The following NBEAL2 variants were observed in gnomAD, a reference collection of about 807,000 sequenced individuals.
The protein encoded by NBEAL2 is neurobeachin like 2, also known as neurobeachin-like protein 2.
Under a neutral mutation model 299.8 loss-of-function variants are expected in NBEAL2, and 160 were observed. The ratio of observed to expected loss-of-function variants is 0.53; its 90% confidence interval spans 0.47 to 0.61. The LOEUF (loss-of-function observed/expected upper bound fraction) is 0.61, where lower values mean the gene tolerates loss of function less well. Ranked by LOEUF, NBEAL2 falls within the 20% of genes least tolerant of loss-of-function variation. The pLI, the probability that NBEAL2 is intolerant of heterozygous loss-of-function variation, is 0.00. For synonymous variants in NBEAL2, 1,493 were observed against 1,542.3 expected (o/e 0.97, Z 0.75); for missense variants, 3,112 against 3,649.0 (o/e 0.85, Z 3.79).
rs1021955481 is a variant in NBEAL2, at chr3:46,995,051, G to T, written c.1316G>T (p.Ser439Ile). 1 of 1,550,302 alleles carries T rather than the reference G, an allele frequency of 6.5e-7. No homozygotes were observed. Reference protein sequence around the residue: ...LLNMAVEGDHSMCPPPPIRNE... With the variant: ...LLNMAVEGDHIMCPPPPIRNE... ...CCACAGGCTGTGGAGGGTGACCACA[G>T]CATGTGCCCACCTCCACCAATCCGC... Residue 439 changes from serine to isoleucine, a missense_variant, in exon 13 of 54, where the codon AGC (serine) becomes ATC (isoleucine). This residue lies in a region of NBEAL2 where 2,243 missense variants were observed against 2,538.1 expected (regional missense o/e 0.88). Coordinates refer to ENST00000450053, the MANE Select transcript of NBEAL2 (RefSeq NM_015175.3).
At position 47,004,290 on chromosome 3, in the gene NBEAL2, G is replaced by A. The variant is rs770056109; in HGVS notation, c.6095G>A (p.Arg2032Gln). 5.0e-6 allele frequency: 8 copies of A among 1,613,232 alleles called. No homozygotes were observed. The highest frequency in any genetic ancestry group is 2.2e-5 in the East Asian group (1 of 44,856). ...CCCATCCCACCCCATACCCAGGTAC[G>A]GAACCAGGTGTACTCGTGGCTCCTG... ...PGPIPPHTQV[R>Q]NQVYSWLLRL... The change falls in exon 37 of 54, where the codon CGG becomes CAG. Residue 2032 changes from arginine to glutamine, a missense_variant. Around this residue, in one of 3 missense-constraint regions of NBEAL2, gnomAD observed 521 missense variants for 729.6 expected, o/e 0.71. Transcript: ENST00000450053. This position sits in a 1 kb window ranked among gnomAD's most constrained non-coding sequence, Gnocchi z 5.0.
chr3:46,995,677 A>G (rs2036441144), intron 13 of NBEAL2, 37 bp from the exon 14 acceptor site: 2 of 1,609,688 alleles, frequency 1.2e-6, no homozygotes, highest in African/African-American at 2.7e-5. Flanking sequence ...CAGGGTGAGC[A>G]GGAACAAGCA....
At position 47,005,618 on chromosome 3, in the gene NBEAL2, C is replaced by G. The variant is rs774311747; in HGVS notation, c.6690C>G (p.Asn2230Lys). 2 of 1,613,640 alleles carry G rather than the reference C, an allele frequency of 1.2e-6. No individual in the cohort carries two copies. Among genetic ancestry groups the G allele is most frequent in the Non-Finnish European group, 1.7e-6 (2 of 1,179,776 alleles). ...FYFPDFLENQ[N>K]GFDLGCLQLT... ...TTCCTGACTTCCTGGAGAACCAGAA[C>G]GGTAGGTGTGAGGTGCTCACACTGG... Residue 2230 changes from asparagine (N) to lysine (K), a missense_variant and splice_region_variant, in exon 41 of 54, where the codon AAC (asparagine) becomes AAG (lysine). This residue lies in a region of NBEAL2 where 521 missense variants were observed against 729.6 expected (regional missense o/e 0.71). Transcript: ENST00000450053.
rs991930728 is a variant in NBEAL2, at chr3:46,995,174, A to T, written c.1439A>T (p.Asp480Val). Residue 480 changes from aspartate (D) to valine (V), a missense_variant, in exon 13 of 54, where the codon GAC becomes GTC. Asp to Val is a radical substitution (Grantham distance 152). This residue lies in a region of NBEAL2 where 2,243 missense variants were observed against 2,538.1 expected (regional missense o/e 0.88). Transcript: ENST00000450053. ...FLAQRLRWLC[D>V]SCPASRATCV... ...GCGCAACGCCTCAGGTGGCTCTGTG[A>T]CAGCTGCCCTGCCAGCCGTGCCACC... is the stretch of plus-strand genomic sequence containing the variant. The T allele has an allele frequency of 2.6e-6, 4 of 1,565,724 alleles. No individual in the cohort carries two copies. Among genetic ancestry groups the T allele is most frequent in the Admixed American group, 1.9e-5 (1 of 53,794 alleles).
rs1193297274 is a variant in NBEAL2 at position 46,998,751 on chromosome 3, C to G, written c.3256C>G (p.Leu1086Val). ...QRERPLAADD[L>V]RTVQTSLLGL... ...GGAGCGCCCCCTGGCTGCTGACGAC[C>G]TACGCACCGTGCAGACCTCCCTCCT... Residue 1086 changes from leucine to valine, a missense_variant, in exon 23 of 54, where the codon CTA (leucine) becomes GTA (valine). Coordinates refer to ENST00000450053, the MANE Select transcript of NBEAL2 (RefSeq NM_015175.3). The G allele has an allele frequency of 6.3e-7, 1 of 1,582,894 alleles. No homozygotes were observed. Among genetic ancestry groups the G allele is most frequent in the African/African-American group, 1.3e-5 (1 of 74,350 alleles).
rs1287298471 is a variant in NBEAL2 at position 47,004,888 on chromosome 3, G to C, written c.6295-84G>C. 6.5e-7 allele frequency: 1 copy of C among 1,537,398 alleles called. No homozygotes were observed. Among genetic ancestry groups the C allele is most frequent in the African/African-American group, 1.4e-5 (1 of 72,912 alleles). On this transcript the variant is annotated intron_variant, in intron 38 of 53. Transcript: ENST00000450053. The surrounding 1 kb of genome is among the most constrained non-coding windows in gnomAD (Gnocchi z 5.0). ...CAACCTGTGGGCAGGCTCTGTGCCC[G>C]CCTTCTTGAGGGTGTGGGCAGGGCA...
At position 47,001,323 on chromosome 3, in the gene NBEAL2, AG is replaced by A; in HGVS notation, c.4531del (p.Ala1511ProfsTer91). The A allele has an allele frequency of 3.7e-6, 6 of 1,612,758 alleles. No homozygotes were observed. The highest frequency in any genetic ancestry group is 5.1e-6 in the Non-Finnish European group (6 of 1,179,324). ...GAGTCAGCCCTGACCGACATCAAAG[AG>A]GCCCCCGTGGGGGTCCTGGCCAGCC... is the stretch of plus-strand genomic sequence containing the variant. The part of the protein sequence containing the change: ...MLESALTDIK[E>X]APVGVLASLT... On this transcript the variant is annotated frameshift_variant, in exon 29 of 54. Transcript: ENST00000450053. LOFTEE classifies it high-confidence loss of function. The surrounding 1 kb of genome is among the most constrained non-coding windows in gnomAD (Gnocchi z 6.1).
intron 15 of NBEAL2, 90 bp downstream of exon 15, chr3:46,996,141 TG>T: frequency 6.5e-7 from 1 of 1,548,118 alleles, no homozygotes; most frequent in Non-Finnish European, 8.7e-7. Flanking sequence ...TTGTGTCCCG[TG>T]CTGCCCCACA....
At position 47,001,233 on chromosome 3, in the gene NBEAL2, G is replaced by A. The variant is rs760176301; in HGVS notation, c.4485-46G>A. ...GCTTCAGGAAGCCTCGGGGGAAGGA[G>A]AGAAGATAGTCAGGTAGACCCTTGA... On this transcript the variant is annotated intron_variant, in intron 28 of 53. Coordinates refer to ENST00000450053, the MANE Select transcript of NBEAL2 (RefSeq NM_015175.3). This position sits in a 1 kb window ranked among gnomAD's most constrained non-coding sequence, Gnocchi z 6.1. The A allele has an allele frequency of 2.5e-6, 4 of 1,601,244 alleles. No homozygotes were observed. Among genetic ancestry groups the A allele is most frequent in the East Asian group, 2.2e-5 (1 of 44,632 alleles).
chr3:46,985,443 C>T (rs564192979), intron 1 of NBEAL2, among the ~76,000 whole-genome samples: 1 of 152,292 alleles, frequency 6.6e-6, no homozygotes, highest in South Asian at 2.1e-4. Context: ...ATGTCACAAC[C>T]ACCAGCCCTC....
At position 47,005,945 on chromosome 3, in the gene NBEAL2, G is replaced by C; in HGVS notation, c.6802-1G>C. 1 of 1,613,514 alleles carries C rather than the reference G, an allele frequency of 6.2e-7. No homozygotes were observed. The highest frequency in any genetic ancestry group is 8.5e-7 in the Non-Finnish European group (1 of 1,179,764). ...ACTGATTGCTGCCTCCCTACTCTCAGGAGTCGGAGTATGTGTCTGCACACC... is the reference window on the plus strand; with the variant it reads ...ACTGATTGCTGCCTCCCTACTCTCACGAGTCGGAGTATGTGTCTGCACACC... On this transcript the variant is annotated splice_acceptor_variant, in intron 42 of 53. Coordinates refer to ENST00000450053, the MANE Select transcript of NBEAL2 (RefSeq NM_015175.3). LOFTEE classifies it high-confidence loss of function.
Position 47,002,413 on chromosome 3 carries a change from A to G in NBEAL2, c.5194A>G (p.Lys1732Glu), listed in dbSNP as rs369484415. 26 of 1,613,534 alleles carry G rather than the reference A, an allele frequency of 1.6e-5. No homozygotes were observed. The highest frequency in any genetic ancestry group is 1.9e-5 in the Non-Finnish European group (23 of 1,179,912). Residue 1732 changes from lysine to glutamate, a missense_variant, in exon 32 of 54, where the codon AAG becomes GAG. This residue lies in a region of NBEAL2 where 2,243 missense variants were observed against 2,538.1 expected (regional missense o/e 0.88). Coordinates refer to ENST00000450053, the MANE Select transcript of NBEAL2 (RefSeq NM_015175.3). ...CCAGTTCGAAATGGACACGTATGCT[A>G]AGAGCCACGACCTTATGTCAGGTTT... ...MSQFEMDTYAKSHDLMSGFWN... is the reference protein window; with the variant it reads ...MSQFEMDTYAESHDLMSGFWN...
In NBEAL2 at chr3:46,995,257, C is replaced by G. The variant is rs1373542780; in HGVS notation, c.1522C>G (p.Leu508Val). 10 of 1,558,870 alleles carry G rather than the reference C, an allele frequency of 6.4e-6. No individual in the cohort carries two copies. Among genetic ancestry groups the G allele is most frequent in the Non-Finnish European group, 6.9e-6 (8 of 1,152,048 alleles). The stretch of plus-strand genomic sequence containing the variant: ...GGAGACACTCAGCACAGGGCTAGCC[C>G]TGGAGGCCCGCTGCCAAGAGCAGCT... ...LLETLSTGLA[L>V]EARCQEQLLA... is the part of the protein sequence containing the mutation. The change falls in exon 13 of 54, where the codon CTG becomes GTG. Residue 508 changes from leucine to valine, a missense_variant. Physicochemically the swap from Leu to Val is conservative, Grantham distance 32 (BLOSUM62 1). Coordinates refer to ENST00000450053, the MANE Select transcript of NBEAL2 (RefSeq NM_015175.3).
At chr3:46,987,105 G>C (rs1293524940) in intron 1 of NBEAL2, among the ~76,000 whole-genome samples, 3 of 152,254 alleles carry the variant, frequency 2.0e-5, no homozygotes, top group African/African-American at 7.2e-5. Flanking sequence ...CCCAATCACA[G>C]GGTGGACGGC....
chr3:46,998,088 A>G lies in NBEAL2; in HGVS notation c.2980A>G (p.Met994Val), dbSNP rs775954297. Residue 994 changes from methionine to valine, a missense_variant, in exon 21 of 54, where the codon ATG (methionine) becomes GTG (valine). By Grantham distance (21) the Met-to-Val change is conservative. This residue lies in a region of NBEAL2 where 2,243 missense variants were observed against 2,538.1 expected (regional missense o/e 0.88). Coordinates refer to ENST00000450053, the MANE Select transcript of NBEAL2 (RefSeq NM_015175.3). ...CCAGGTCCCAAGCTGGGCCATGGAC[A>G]TGAACGTGCTCATGTCCGCCCAGCT... ...LRKVPSWAMD[M>V]NVLMSAQLLM... The G allele has an allele frequency of 3.6e-5, 57 of 1,575,082 alleles. 1 individual carries two copies. In the Admixed American group the frequency reaches 1.0e-3, roughly 28 times the overall value.
At position 46,995,888 on chromosome 3, in the gene NBEAL2, G is replaced by T. The variant is rs556447264; in HGVS notation, c.2031+42G>T. 4 of 1,613,396 alleles carry T rather than the reference G, an allele frequency of 2.5e-6. No individual in the cohort carries two copies. The African/African-American group carries it at 5.3e-5, about 21-fold the overall frequency. On this transcript the variant is annotated intron_variant, in intron 14 of 53. Coordinates refer to ENST00000450053, the MANE Select transcript of NBEAL2 (RefSeq NM_015175.3). ...CTCATGTGGCCCAGTAGAGAGAGGG[G>T]TGCTGAGTCCCAAGTATGGCCTAAT... is the stretch of plus-strand genomic sequence containing the variant.
At position 47,009,285 on chromosome 3, in the gene NBEAL2, G is replaced by C. The variant is rs201641746; in HGVS notation, c.8230G>C (p.Gly2744Arg). Residue 2744 changes from glycine to arginine, a missense_variant, in exon 54 of 54, where the codon GGA becomes CGA. Coordinates refer to ENST00000450053, the MANE Select transcript of NBEAL2 (RefSeq NM_015175.3). ...SSRRISQVSSGETEYNPTEAR is the reference protein window; with the variant it reads ...SSRRISQVSSRETEYNPTEAR ...GCGGCGCATCTCCCAGGTGTCCTCG[G>C]GAGAGACGGAATACAACCCTACTGA... The C allele has an allele frequency of 7.9e-4, 1,266 of 1,601,694 alleles. 6 individuals carry two copies. Among genetic ancestry groups the C allele is most frequent in the African/African-American group, 4.1e-3 (303 of 74,814 alleles).
Position 47,003,716 on chromosome 3 carries a change from G to A in NBEAL2, c.5721-100G>A. The A allele has an allele frequency of 7.1e-7, 1 of 1,411,548 alleles. No individual in the cohort carries two copies. The highest frequency in any genetic ancestry group is 9.4e-7 in the Non-Finnish European group (1 of 1,058,378). 87.4% of individuals were successfully genotyped at this position (1,411,548 alleles called of 1,614,324 possible). Reference sequence around the variant, plus strand: ...CCCTCCCCATCTCTGGGAGTCATGAGAGTATATACCCCATGACTCAATGGC... The same window carrying A: ...CCCTCCCCATCTCTGGGAGTCATGAAAGTATATACCCCATGACTCAATGGC... On this transcript the variant is annotated intron_variant, in intron 35 of 53. Coordinates refer to ENST00000450053, the MANE Select transcript of NBEAL2 (RefSeq NM_015175.3). The surrounding 1 kb of genome is among the most constrained non-coding windows in gnomAD (Gnocchi z 7.0).
intron 20 of NBEAL2, 138 bp downstream of exon 20, chr3:46,997,832 C>T: frequency 3.1e-6 from 4 of 1,305,582 alleles, no homozygotes; most frequent in Non-Finnish European, 4.1e-6. Flanking sequence ...AAAGGCCGAG[C>T]AGGGTTGGGT....
Sources: allele counts gnomAD v4.1 joint callset (sites outside exome capture counted in the v4.1 genomes callset), GRCh38; gene constraint gnomAD v4.1.1; regional missense constraint gnomAD v4.1.1; non-coding constraint Gnocchi (gnomAD v3.1); transcripts MANE v1.5; gene names NCBI Gene and HGNC (gene_info 2026-07-23, HGNC 2026-07-21).